Variants in MPDZ observed in about 807,000 individuals in gnomAD.
MPDZ encodes multiple PDZ domain protein.
A neutral mutation model predicts 239.1 loss-of-function variants in MPDZ; 234 were observed. The ratio of observed to expected loss-of-function variants is 0.98; its 90% CI spans 0.88 to 1.09. The LOEUF (loss-of-function observed/expected upper bound fraction) is 1.09. MPDZ is among the 50% of genes least tolerant of loss of function. The pLI is 0.00. For missense variants in MPDZ, 3,175 were observed against 2,510.0 expected (o/e 1.26, Z -5.66); for synonymous variants, 1,048 against 881.3 (o/e 1.19, Z -3.35).
chr9:13,122,162 A>G lies in MPDZ; in HGVS notation c.4962T>C (p.Ile1654=), dbSNP rs376250553. Reference sequence around the variant, plus strand: ...CTTCTTCATAAACTTCATGGATAATAATGGCACCCTAAGGGCCCAAACAAA... The same window carrying G: ...CTTCTTCATAAACTTCATGGATAATGATGGCACCCTAAGGGCCCAAACAAA... ...VGGSDTLLGA[I]IIHEVYEEGA... Residue 1654 remains isoleucine, a synonymous_variant, in exon 37 of 47, where the codon ATT becomes ATC. Coordinates refer to ENST00000319217, the MANE Select transcript of MPDZ (RefSeq NM_001378778.1). 17 of 1,613,940 alleles carry G rather than the reference A, an allele frequency of 1.1e-5. No homozygotes were observed. Among genetic ancestry groups the G allele is most frequent in the African/African-American group, 9.3e-5 (7 of 75,034 alleles).
intron 32 of MPDZ, among the ~76,000 whole-genome samples, chr9:13,127,257 C>G (rs1452978319): frequency 6.6e-6 from 1 of 152,088 alleles, no homozygotes; most frequent in Non-Finnish European, 1.5e-5. Flanking sequence ...AGACTCTGTC[C>G]TTTTGGGGGG....
chr9:13,109,032 T>A lies in MPDZ; in HGVS notation c.5970A>T (p.Leu1990=), dbSNP rs766044975. Reference sequence around the variant, plus strand: ...AGCCTAAGCCATCTGGTCCTCGCTCTAGTGTAATAGACTTACATTGAGGAG... The same window carrying A: ...AGCCTAAGCCATCTGGTCCTCGCTCAAGTGTAATAGACTTACATTGAGGAG... The part of the protein sequence containing the change: ...LGPPQCKSIT[L]ERGPDGLGFS... The change falls in exon 46 of 47, where the codon CTA becomes CTT. Residue 1990 remains leucine, a synonymous_variant. Transcript: ENST00000319217. 1.3e-6 allele frequency: 2 copies of A among 1,568,606 alleles called. No homozygotes were observed. The highest frequency in any genetic ancestry group is 3.7e-5 in the Admixed American group (2 of 54,348).
rs375222006 is a variant in MPDZ, at chr9:13,214,880, G to C, written c.1290+1894C>G. Among the ~76,000 whole-genome samples, 8 of 115,626 alleles carry C rather than the reference G, an allele frequency of 6.9e-5. No homozygotes were observed. In the East Asian group the frequency reaches 1.3e-3, roughly 19 times the overall value. 75.9% of individuals were successfully genotyped at this position (115,626 alleles called of 152,430 possible). ...AGATCTGAAGAGGTGAACAGGTGTA[G>C]GTAGGAGTTTCACAGAACAAAACCC... On this transcript the variant is annotated intron_variant, in intron 10 of 46. Coordinates refer to ENST00000319217, the MANE Select transcript of MPDZ (RefSeq NM_001378778.1).
chr9:13,206,450 G>A (rs925583630), intron 10 of MPDZ, among the ~76,000 whole-genome samples: 1 of 152,026 alleles, frequency 6.6e-6, no homozygotes, highest in African/African-American at 2.4e-5. Context: ...GTGCAGTGGT[G>A]CAATCATGGC....
chr9:13,274,751 CAG>C (rs1973789527), intron 1 of MPDZ: 1 of 151,252 alleles, frequency 6.6e-6, no homozygotes, highest in Admixed American at 6.6e-5. Flanking sequence ...ACGTATAAGA[CAG>C]ACAGTTTTTA....
chr9:13,240,597 A>AAAAAAAAAAAAAAAAC (rs1965162288), intron 3 of MPDZ, among the ~76,000 whole-genome samples: 1 of 148,808 alleles, frequency 6.7e-6, no homozygotes, highest in Admixed American at 6.7e-5. Context: ...AAAAAAAAAA[A>AAAAAAAAAAAAAAAAC]AAAAAAAAAA....
chr9:13,135,968 A>C, intron 31 of MPDZ, 124 bp downstream of exon 31: 1 of 634,770 alleles, frequency 1.6e-6, no homozygotes, highest in East Asian at 2.8e-5. Flanking sequence ...CACTCCTTGA[A>C]GGCCAAGGCT....
chr9:13,160,885 A>T (rs1214512057), intron 23 of MPDZ, among the ~76,000 whole-genome samples: 3 of 125,344 alleles, frequency 2.4e-5, no homozygotes, highest in Non-Finnish European at 5.1e-5. Flanking sequence ...AGGTACTTAC[A>T]TAGCTTTTAC....
intron 34 of MPDZ, among the ~76,000 whole-genome samples, 156 bp downstream of exon 34, chr9:13,126,360 T>A (rs1161550065): frequency 1.3e-5 from 2 of 152,166 alleles, no homozygotes; most frequent in Admixed American, 1.3e-4. Flanking sequence ...AAATAAGAAA[T>A]AGAAATTGAA....
chr9:13,110,635 C>T lies in MPDZ; in HGVS notation c.5829+1G>A, dbSNP rs1295074412. ...AATTATGCTTGGGATAAAAATCTTACCTGCATTTCAATGGAGCCAGATGCA... is the reference window on the plus strand; with the variant it reads ...AATTATGCTTGGGATAAAAATCTTATCTGCATTTCAATGGAGCCAGATGCA... On this transcript the variant is annotated splice_donor_variant, in intron 44 of 46. Coordinates refer to ENST00000319217, the MANE Select transcript of MPDZ (RefSeq NM_001378778.1). LOFTEE classifies it high-confidence loss of function. 1.2e-6 allele frequency: 2 copies of T among 1,611,294 alleles called. No individual in the cohort carries two copies. The highest frequency in any genetic ancestry group is 1.7e-5 in the Admixed American group (1 of 59,910).
At chr9:13,192,970 G>C (rs117604780) in intron 14 of MPDZ, among the ~76,000 whole-genome samples, 197 bp downstream of exon 14, 1 of 152,108 alleles carries the variant, frequency 6.6e-6, no homozygotes, top group East Asian at 1.9e-4. Context: ...AAATGGCATG[G>C]AATTAGTTCT....
intron 7 of MPDZ, among the ~76,000 whole-genome samples, chr9:13,221,060 G>A (rs1019197838): frequency 5.9e-5 from 9 of 151,802 alleles, no homozygotes; most frequent in African/African-American, 2.2e-4. Context: ...ATATAAATAC[G>A]AATTATGACT....
At chr9:13,251,100 G>T (rs1967856746) in intron 1 of MPDZ, among the ~76,000 whole-genome samples, 1 of 122,894 alleles carries the variant, frequency 8.1e-6, no homozygotes, top group Non-Finnish European at 1.6e-5. Flanking sequence ...CCGCACTCCA[G>T]CCTGGGCCAC....
chr9:13,191,624 T>A (rs1425828412), intron 15 of MPDZ, among the ~76,000 whole-genome samples: 1 of 152,170 alleles, frequency 6.6e-6, no homozygotes, highest in Admixed American at 6.6e-5. Context: ...AGAAATGCTG[T>A]GTCCATCCAT....
chr9:13,123,288 T>A lies in MPDZ; in HGVS notation c.4818A>T (p.Arg1606Ser), dbSNP rs1273789648. The change falls in exon 36 of 47, where the codon AGA becomes AGT. Residue 1606 changes from arginine (R) to serine (S), a missense_variant. Physicochemically the swap from Arg to Ser is moderately radical, Grantham distance 110. Coordinates refer to ENST00000319217, the MANE Select transcript of MPDZ (RefSeq NM_001378778.1). ...PEPESIRNTS[R>S]SSTPAIFASD... is the part of the protein sequence containing the mutation. ...AAGCAAAAATTGCTGGTGTTGATGA[T>A]CTGCTTGTATCTAAAAATAAGTTAA... The A allele has an allele frequency of 1.2e-6, 2 of 1,607,548 alleles. No homozygotes were observed. Among genetic ancestry groups the A allele is most frequent in the East Asian group, 4.5e-5 (2 of 44,600 alleles).
At chr9:13,217,690 T>C (rs1443539570) in intron 8 of MPDZ, among the ~76,000 whole-genome samples, 2 of 151,902 alleles carry the variant, frequency 1.3e-5, no homozygotes, top group African/African-American at 4.8e-5. Context: ...AAGTTAAATC[T>C]AGCTTTGCCA....
At chr9:13,253,483 CA>C (rs1044956387) in intron 1 of MPDZ, among the ~76,000 whole-genome samples, 3 of 152,142 alleles carry the variant, frequency 2.0e-5, no homozygotes, top group African/African-American at 7.2e-5. Flanking sequence ...CATCTGTAAT[CA>C]CAAAATTTTT....
At position 13,110,652 on chromosome 9, in the gene MPDZ, C is replaced by T. The variant is rs1425232308; in HGVS notation, c.5813G>A (p.Gly1938Asp). 17 of 1,613,268 alleles carry T rather than the reference C, an allele frequency of 1.1e-5. No homozygotes were observed. Among genetic ancestry groups the T allele is most frequent in the African/African-American group, 1.3e-5 (1 of 74,918 alleles). Residue 1938 changes from glycine to aspartate, a missense_variant, in exon 44 of 47, where the codon GGC (glycine) becomes GAC (aspartate). By Grantham distance (94) the Gly-to-Asp change is moderately conservative (BLOSUM62 -1). Coordinates refer to ENST00000319217, the MANE Select transcript of MPDZ (RefSeq NM_001378778.1). ...AAATCTTACCTGCATTTCAATGGAG[C>T]CAGATGCATTTTTCAGTAGGTTAAC... ...QAVNLLKNASGSIEMQVVAGG... is the reference protein window; with the variant it reads ...QAVNLLKNASDSIEMQVVAGG...
At chr9:13,161,015 T>C (rs1234560621) in intron 23 of MPDZ, among the ~76,000 whole-genome samples, 1 of 151,342 alleles carries the variant, frequency 6.6e-6, no homozygotes, top group Admixed American at 6.6e-5. Flanking sequence ...TGGATTTTGG[T>C]ATCCATGGGG....
Sources: allele counts gnomAD v4.1 joint callset (sites outside exome capture counted in the v4.1 genomes callset), GRCh38; gene constraint gnomAD v4.1.1; transcripts MANE v1.5; gene names NCBI Gene and HGNC (gene_info 2026-07-23, HGNC 2026-07-21).